Variants in AMPD3 observed in about 807,000 individuals in gnomAD.
AMPD3 encodes AMP deaminase 3.
In AMPD3, 57 loss-of-function variants were observed where a neutral mutation model predicts 82.3. That is an observed-to-expected ratio of 0.69 (90% confidence interval 0.56 to 0.86). The LOEUF is 0.86. Ranked by LOEUF, AMPD3 falls within the 40% of genes least tolerant of loss-of-function variation. The probability of loss-of-function intolerance (pLI) is 0.00; values close to 1 mark genes in which losing one functional copy is unlikely to be tolerated. For synonymous variants in AMPD3, 381 were observed against 394.7 expected, an observed-to-expected ratio of 0.97 and a Z score of 0.41; for missense variants, 870 against 1,003.8, an observed-to-expected ratio of 0.87 and a Z score of 1.80.
chr11:10,459,991 T>G (rs541231854), intron 1 of AMPD3, among the ~76,000 whole-genome samples: 5 of 150,476 alleles, frequency 3.3e-5, no homozygotes, highest in Non-Finnish European at 5.9e-5. Context: ...ACTGAGTTAA[T>G]AAGTATGAAG....
At chr11:10,463,208 T>G (rs1848322231) in intron 2 of AMPD3, among the ~76,000 whole-genome samples, 1 of 152,202 alleles carries the variant, frequency 6.6e-6, no homozygotes, top group Non-Finnish European at 1.5e-5. Context: ...TTCTTGGTTG[T>G]GTAGAAGCTC....
In AMPD3 at chr11:10,456,978, T is replaced by C. The variant is rs1171293975; in HGVS notation, c.-6+1530T>C. The stretch of plus-strand genomic sequence containing the variant: ...TGTTGTGGTTGCTGTTGTTTCTTGC[T>C]TTTTTTTTTTTTTTTTTGAGAGAAG... On this transcript the variant is annotated intron_variant, in intron 1 of 14. Transcript: ENST00000396553. The surrounding 1 kb of genome is among the most constrained non-coding windows in gnomAD (Gnocchi z 4.3). Among the ~76,000 whole-genome samples, 2 of 71,450 alleles carry C rather than the reference T, an allele frequency of 2.8e-5. No homozygotes were observed. Among genetic ancestry groups the C allele is most frequent in the African/African-American group, 6.8e-5 (1 of 14,736 alleles). 46.9% of individuals were successfully genotyped at this position (71,450 alleles called of 152,430 possible).
chr11:10,504,663 T>C lies in AMPD3; in HGVS notation c.2127+4T>C, dbSNP rs1849667943. The C allele has an allele frequency of 6.2e-7, 1 of 1,613,616 alleles. No homozygotes were observed. The highest frequency in any genetic ancestry group is 8.5e-7 in the Non-Finnish European group (1 of 1,179,660). ...GCAGAGCGGCCTCTCGCATCAGGTA[T>C]GGAGTGTGACGGTGCTGCCTGTGTC... On this transcript the variant is annotated splice_donor_region_variant and intron_variant, in intron 14 of 14. Transcript: ENST00000396553.
At chr11:10,464,465 C>G (rs568314166) in intron 2 of AMPD3, among the ~76,000 whole-genome samples, 2 of 152,128 alleles carry the variant, frequency 1.3e-5, no homozygotes, top group East Asian at 3.8e-4. Context: ...TAAGGCTATC[C>G]CCTCTTCAGG....
In AMPD3 at chr11:10,456,257, A is replaced by G; in HGVS notation, c.-6+809A>G. The G allele has an allele frequency of 6.5e-7, 1 of 1,534,882 alleles. No homozygotes were observed. The highest frequency in any genetic ancestry group is 8.8e-7 in the Non-Finnish European group (1 of 1,140,612). Reference sequence around the variant, plus strand: ...TGCTGCTCACAGATATGCAAAACAGAGACCTCCTACTCCAGCCGGCAGACA... The same window carrying G: ...TGCTGCTCACAGATATGCAAAACAGGGACCTCCTACTCCAGCCGGCAGACA... On this transcript the variant is annotated intron_variant, in intron 1 of 14. Transcript: ENST00000396553. The surrounding 1 kb of genome is among the most constrained non-coding windows in gnomAD (Gnocchi z 4.3).
chr11:10,492,764 T>C (rs1420430910), intron 6 of AMPD3, among the ~76,000 whole-genome samples: 1 of 151,984 alleles, frequency 6.6e-6, no homozygotes, highest in African/African-American at 2.4e-5. Flanking sequence ...GTGCCAGGTT[T>C]TGAGGTTGGG....
intron 1 of AMPD3, among the ~76,000 whole-genome samples, chr11:10,458,030 C>G (rs55634501): frequency 0.16 from 24,041 of 151,896 alleles, 2,149 homozygotes; most frequent in Non-Finnish European, 0.2. Context: ...CTGGGTCAGG[C>G]CTGTGTGTGT....
chr11:10,494,065 A>C (rs931092714), intron 7 of AMPD3, among the ~76,000 whole-genome samples: 11 of 152,254 alleles, frequency 7.2e-5, no homozygotes, highest in African/African-American at 2.7e-4. Flanking sequence ...ATAGCAGCCA[A>C]CAGATAGAAA....
chr11:10,454,750 C>G (rs577733332), upstream of AMPD3, among the ~76,000 whole-genome samples: 1 of 152,228 alleles, frequency 6.6e-6, no homozygotes, highest in South Asian at 2.1e-4. Flanking sequence ...CCCACTCTAC[C>G]TCCCCTTTCC....
intron 2 of AMPD3, among the ~76,000 whole-genome samples, chr11:10,467,020 C>A (rs1231739433): frequency 1.3e-5 from 2 of 152,166 alleles, no homozygotes; most frequent in Non-Finnish European, 2.9e-5. Flanking sequence ...TCACCAGCAT[C>A]AAAGACCAAA....
At chr11:10,495,058 C>T in intron 8 of AMPD3, 28 bp downstream of exon 8, 1 of 1,613,938 alleles carries the variant, frequency 6.2e-7, no homozygotes, top group Non-Finnish European at 8.5e-7. Context: ...CTCTCTGAGG[C>T]CTCTCAGGTG....
At chr11:10,498,339 G>T in intron 10 of AMPD3, 1 of 152,934 alleles carries the variant, frequency 6.5e-6, no homozygotes, top group African/African-American at 2.4e-5. Flanking sequence ...TCCGAAGGTT[G>T]CTGCCAGCAA....
intron 6 of AMPD3, among the ~76,000 whole-genome samples, chr11:10,490,099 AG>A (rs1281710272): frequency 6.6e-6 from 1 of 152,160 alleles, no homozygotes; most frequent in Non-Finnish European, 1.5e-5. Flanking sequence ...GGGGCAGACA[AG>A]GGCTGTGGTC....
chr11:10,495,479 G>T, intron 8 of AMPD3, 91 bp from the exon 9 acceptor site: 1 of 1,604,816 alleles, frequency 6.2e-7, no homozygotes, highest in Non-Finnish European at 8.5e-7. Flanking sequence ...AGGTGGCTGG[G>T]GGAGCAACAG....
chr11:10,480,622 GAGAGT>G (rs1310604289), intron 3 of AMPD3, among the ~76,000 whole-genome samples: 1 of 150,016 alleles, frequency 6.7e-6, no homozygotes, highest in Non-Finnish European at 1.5e-5. Context: ...GGGTAGGGAG[GAGAGT>G]AGAGTTTTAG....
Position 10,468,573 on chromosome 11 carries a change from A to G in AMPD3, c.221+6833A>G, listed in dbSNP as rs188816951. 4.0e-3 allele frequency among the ~76,000 whole-genome samples: 616 copies of G among 152,332 alleles called. 5 individuals carry two copies. Among genetic ancestry groups the G allele is most frequent in the Non-Finnish European group, 5.0e-3 (339 of 68,028 alleles). On this transcript the variant is annotated intron_variant, in intron 2 of 14. Transcript: ENST00000396553. ...TAGACTCCCACACAATAATAATGGGAGACTTTAACACCCCATTGTGAATAT... is the reference window on the plus strand; with the variant it reads ...TAGACTCCCACACAATAATAATGGGGGACTTTAACACCCCATTGTGAATAT...
intron 2 of AMPD3, among the ~76,000 whole-genome samples, chr11:10,463,341 G>A (rs1036619258): frequency 2.0e-5 from 3 of 152,220 alleles, no homozygotes; most frequent in African/African-American, 7.2e-5. Flanking sequence ...AGCCCATAAA[G>A]GCAGGAGTCA....
At chr11:10,486,443 G>A in intron 5 of AMPD3, 1 of 511,568 alleles carries the variant, frequency 2.0e-6, no homozygotes. Context: ...TAGGCTGTGT[G>A]TGGGCTGGCA....
chr11:10,456,194 G>A lies in AMPD3; in HGVS notation c.-6+746G>A, dbSNP rs556303381. On this transcript the variant is annotated intron_variant, in intron 1 of 14. Coordinates refer to ENST00000396553, the MANE Select transcript of AMPD3 (RefSeq NM_001025389.2). This position sits in a 1 kb window ranked among gnomAD's most constrained non-coding sequence, Gnocchi z 4.3. ...TTCCACTCATATTTCATATTCACGAGAGAATTTCCAGCCCAGGCTTTTCCT... is the reference window on the plus strand; with the variant it reads ...TTCCACTCATATTTCATATTCACGAAAGAATTTCCAGCCCAGGCTTTTCCT... 2.1e-6 allele frequency: 3 copies of A among 1,423,148 alleles called. No homozygotes were observed. Among genetic ancestry groups the A allele is most frequent in the African/African-American group, 2.9e-5 (2 of 69,592 alleles). 88.2% of individuals were successfully genotyped at this position (1,423,148 alleles called of 1,614,324 possible).
Sources: allele counts gnomAD v4.1 joint callset (sites outside exome capture counted in the v4.1 genomes callset), GRCh38; gene constraint gnomAD v4.1.1; non-coding constraint Gnocchi (gnomAD v3.1); transcripts MANE v1.5; gene names NCBI Gene and HGNC (gene_info 2026-07-23, HGNC 2026-07-21).